PIANP: variants seen among roughly 807,000 people sequenced by gnomAD.
PIANP encodes the protein PILR alpha-associated neural protein.
PIANP carries 14 observed loss-of-function variants against 28.9 expected under a neutral mutation model. That is an observed-to-expected ratio of 0.49 (90% confidence interval 0.32 to 0.76). The LOEUF is 0.76. PIANP is among the 30% of genes least tolerant of loss of function. The pLI is 0.03. For synonymous variants in PIANP, 149 were observed against 156.6 expected, an observed-to-expected ratio of 0.95 and a Z score of 0.36; for missense variants, 322 against 371.8, an observed-to-expected ratio of 0.87 and a Z score of 1.10.
chr12:6,698,768 C>A (rs147897828), intron 1 of PIANP, among the ~76,000 whole-genome samples: 91 of 152,276 alleles, frequency 6.0e-4, no homozygotes, highest in African/African-American at 2.0e-3. Flanking sequence ...GAGGTGGAGT[C>A]AGGAAGAAAC....
In PIANP at chr12:6,700,171, GAGCCTCGGGGTGCGGGAGCCGGGCCCC is replaced by G. The variant is rs1225732249; in HGVS notation, c.-44+416_-44+442del. On this transcript the variant is annotated intron_variant, in intron 1 of 4. Coordinates refer to ENST00000534837, the MANE Select transcript of PIANP (RefSeq NM_001244014.2). The surrounding 1 kb of genome is among the most constrained non-coding windows in gnomAD (Gnocchi z 5.5). The stretch of plus-strand genomic sequence containing the variant: ...AGGAGACGAGCTGGGGGTGGGGCAG[GAGCCTCGGGGTGCGGGAGCCGGGCCCC>G]AGCCCCAGCGTGGCCCCCATCCCAC... 39 of 152,432 alleles carry G rather than the reference GAGCCTCGGGGTGCGGGAGCCGGGCCCC, an allele frequency of 2.6e-4. No individual in the cohort carries two copies. The highest frequency in any genetic ancestry group is 8.9e-4 in the African/African-American group (37 of 41,566). 9.4% of individuals were successfully genotyped at this position (152,432 alleles called of 1,614,324 possible).
intron 1 of PIANP, among the ~76,000 whole-genome samples, chr12:6,699,040 T>G (rs1229756843): frequency 2.6e-5 from 4 of 152,132 alleles, no homozygotes. Context: ...GATCAGGAGT[T>G]CGAGACTAGC....
Position 6,696,559 on chromosome 12 carries a change from C to T in PIANP, c.524-35G>A, listed in dbSNP as rs116893637. ...GTGGGAAGAAAGTTTTAGGGAGCCC[C>T]GAGGTGGTAGGAGCCAAGAGGGGCT... On this transcript the variant is annotated intron_variant, in intron 3 of 4. Coordinates refer to ENST00000534837, the MANE Select transcript of PIANP (RefSeq NM_001244014.2). This position sits in a 1 kb window ranked among gnomAD's most constrained non-coding sequence, Gnocchi z 4.0. 5.3e-6 allele frequency: 8 copies of T among 1,499,664 alleles called. No homozygotes were observed. Among genetic ancestry groups the T allele is most frequent in the East Asian group, 2.5e-5 (1 of 39,652 alleles). The allele number at this position is 1,499,664 out of a possible 1,614,324, so 92.9% of individuals were successfully genotyped here.
Position 6,698,353 on chromosome 12 carries a change from G to T in PIANP, c.-43-249C>A, listed in dbSNP as rs1565457440. 3 of 536,738 alleles carry T rather than the reference G, an allele frequency of 5.6e-6. No homozygotes were observed. The East Asian group carries it at 9.8e-5, about 18-fold the overall frequency. 33.2% of individuals were successfully genotyped at this position (536,738 alleles called of 1,614,324 possible). ...ACCTCTCCACCCCAGGGTCTACTCT[G>T]GCTTCTCTGATTTCCCTTCTTCTCA... is the stretch of plus-strand genomic sequence containing the variant. On this transcript the variant is annotated intron_variant, in intron 1 of 4. Transcript: ENST00000534837.
chr12:6,695,739 C>T lies in PIANP; in HGVS notation c.606-88G>A, dbSNP rs978703869. The T allele has an allele frequency of 5.2e-6, 7 of 1,340,812 alleles. No homozygotes were observed. In the African/African-American group the frequency reaches 1.1e-4, roughly 20 times the overall value. The allele number at this position is 1,340,812 out of a possible 1,614,324, so 83.1% of individuals were successfully genotyped here. A position where few individuals can be genotyped will look rare whatever the true frequency, so the allele number is the denominator to read the frequency against. ...ACCAGTGGTCACCCCCAGCCTCGCC[C>T]AGTCACTCCCAACATCTTATAGCAG... On this transcript the variant is annotated intron_variant, in intron 4 of 4. Transcript: ENST00000534837. The surrounding 1 kb of genome is among the most constrained non-coding windows in gnomAD (Gnocchi z 4.2).
At position 6,697,429 on chromosome 12, in the gene PIANP, A is replaced by C; in HGVS notation, c.381T>G (p.Phe127Leu). Reference sequence around the variant, plus strand: ...GAGGGGCTGCAAAACCATAGTCCAGAAATCCGGGATTGGCAGAGTTGGGGT... The same window carrying C: ...GAGGGGCTGCAAAACCATAGTCCAGCAATCCGGGATTGGCAGAGTTGGGGT... ...GGDPNSANPG[F>L]LDYGFAAPHG... Residue 127 changes from phenylalanine (F) to leucine (L), a missense_variant, in exon 3 of 5, where the codon TTT becomes TTG. By Grantham distance (22) the Phe-to-Leu change is conservative. Coordinates refer to ENST00000534837, the MANE Select transcript of PIANP (RefSeq NM_001244014.2). The surrounding 1 kb of genome is among the most constrained non-coding windows in gnomAD (Gnocchi z 6.9). 1 of 1,614,034 alleles carries C rather than the reference A, an allele frequency of 6.2e-7. No homozygotes were observed. The highest frequency in any genetic ancestry group is 8.5e-7 in the Non-Finnish European group (1 of 1,179,882).
At position 6,696,313 on chromosome 12, in the gene PIANP, A is replaced by T. The variant is rs777214753; in HGVS notation, c.605+130T>A. 1 of 606,304 alleles carries T rather than the reference A, an allele frequency of 1.6e-6. No homozygotes were observed. Among genetic ancestry groups the T allele is most frequent in the Non-Finnish European group, 2.8e-6 (1 of 358,056 alleles). 37.6% of individuals were successfully genotyped at this position (606,304 alleles called of 1,614,324 possible). On this transcript the variant is annotated intron_variant, in intron 4 of 4. Transcript: ENST00000534837. This position sits in a 1 kb window ranked among gnomAD's most constrained non-coding sequence, Gnocchi z 4.0. ...CCAAATCCTTAATTATCTTTTCCCA[A>T]GGTCTTGCCTTCATCCAGCATTTCC...
Position 6,697,580 on chromosome 12 carries a change from C to T in PIANP, c.230G>A (p.Arg77His), listed in dbSNP as rs750269683. The stretch of plus-strand genomic sequence containing the variant: ...TGCAGTGCCAGGCAGGACTTGCCGA[C>T]GTGATCTTGGGACCCGAGGAGATCG... The part of the protein sequence containing the change: ...PSRSPRVPRS[R>H]RQVLPGTAPP... The change falls in exon 3 of 5, where the codon CGT becomes CAT. Residue 77 changes from arginine to histidine, a missense_variant. Coordinates refer to ENST00000534837, the MANE Select transcript of PIANP (RefSeq NM_001244014.2). This position sits in a 1 kb window ranked among gnomAD's most constrained non-coding sequence, Gnocchi z 6.9. 3.1e-6 allele frequency: 5 copies of T among 1,592,628 alleles called. No homozygotes were observed. The highest frequency in any genetic ancestry group is 1.1e-5 in the South Asian group (1 of 88,328).
chr12:6,698,112 A>G lies in PIANP; in HGVS notation c.-43-8T>C. ...CCAGATTTTCAGCCTTTACTGGGAG[A>G]AAAAGGGGGCCGTCACACCCCAGCC... is the stretch of plus-strand genomic sequence containing the variant. On this transcript the variant is annotated splice_region_variant and splice_polypyrimidine_tract_variant and intron_variant, in intron 1 of 4. Transcript: ENST00000534837. The G allele has an allele frequency of 1.3e-6, 2 of 1,547,298 alleles. No homozygotes were observed. Among genetic ancestry groups the G allele is most frequent in the East Asian group, 4.8e-5 (2 of 41,472 alleles).
chr12:6,696,608 C>A lies in PIANP; in HGVS notation c.524-84G>T. The A allele has an allele frequency of 2.1e-6, 2 of 949,248 alleles. No homozygotes were observed. Among genetic ancestry groups the A allele is most frequent in the South Asian group, 4.3e-5 (2 of 46,042 alleles). The allele number at this position is 949,248 out of a possible 1,614,324, so 58.8% of individuals were successfully genotyped here. On this transcript the variant is annotated intron_variant, in intron 3 of 4. Transcript: ENST00000534837. The surrounding 1 kb of genome is among the most constrained non-coding windows in gnomAD (Gnocchi z 4.0). ...CTGGGGGCTGGGCTGTGGGCTCTGTCGGCTGGAGTGGCATTGCTGTGTGGA... is the reference window on the plus strand; with the variant it reads ...CTGGGGGCTGGGCTGTGGGCTCTGTAGGCTGGAGTGGCATTGCTGTGTGGA...
Position 6,694,876 on chromosome 12 carries a change from G to T in PIANP, c.*550C>A. The T allele has an allele frequency of 4.6e-6, 4 of 869,074 alleles. No individual in the cohort carries two copies. Among genetic ancestry groups the T allele is most frequent in the Non-Finnish European group, 6.7e-6 (4 of 593,468 alleles). 53.8% of individuals were successfully genotyped at this position (869,074 alleles called of 1,614,324 possible). A position where few individuals can be genotyped will look rare whatever the true frequency, so the allele number is the denominator to read the frequency against. The stretch of plus-strand genomic sequence containing the variant: ...CACCTGCAGGAGGGCGAGCAGATAG[G>T]ATTGCCCGTGGGGCTGGGGAGTGTT... On this transcript the variant is annotated 3_prime_UTR_variant, in exon 5 of 5. Transcript: ENST00000534837. The surrounding 1 kb of genome is among the most constrained non-coding windows in gnomAD (Gnocchi z 6.1).
Position 6,697,806 on chromosome 12 carries a change from G to C in PIANP, c.18-14C>G. Reference sequence around the variant, plus strand: ...AGCAGCGCAGGCCTGCAAGAAGGGAGAGAGCGTGGCTGAGACACAGGCCTA... The same window carrying C: ...AGCAGCGCAGGCCTGCAAGAAGGGACAGAGCGTGGCTGAGACACAGGCCTA... On this transcript the variant is annotated splice_polypyrimidine_tract_variant and intron_variant, in intron 2 of 4. Transcript: ENST00000534837. This position sits in a 1 kb window ranked among gnomAD's most constrained non-coding sequence, Gnocchi z 6.9. The C allele has an allele frequency of 6.6e-7, 1 of 1,521,886 alleles. No individual in the cohort carries two copies. Among genetic ancestry groups the C allele is most frequent in the Non-Finnish European group, 8.8e-7 (1 of 1,137,218 alleles). 94.3% of individuals were successfully genotyped at this position (1,521,886 alleles called of 1,614,324 possible).
rs548054241 is a variant in PIANP at position 6,700,475 on chromosome 12, G to C, written c.-44+139C>G. 3 of 152,344 alleles carry C rather than the reference G, an allele frequency of 2.0e-5. No homozygotes were observed. The highest frequency in any genetic ancestry group is 7.2e-5 in the African/African-American group (3 of 41,390). The allele number at this position is 152,344 out of a possible 1,614,324, so 9.4% of individuals were successfully genotyped here. A position where few individuals can be genotyped will look rare whatever the true frequency, so the allele number is the denominator to read the frequency against. ...CGCGGAGGGATGGAGAGCCCTTCGG[G>C]GAAGGGGCGCTGGGAGGCTGGAGGC... On this transcript the variant is annotated intron_variant, in intron 1 of 4. Transcript: ENST00000534837. This position sits in a 1 kb window ranked among gnomAD's most constrained non-coding sequence, Gnocchi z 5.5.
Position 6,700,213 on chromosome 12 carries a change from CCCCATCCCA to C in PIANP, c.-44+392_-44+400del, listed in dbSNP as rs932016059. The C allele has an allele frequency of 2.6e-5, 4 of 152,218 alleles. No homozygotes were observed. The highest frequency in any genetic ancestry group is 6.5e-5 in the Admixed American group (1 of 15,276). 9.4% of individuals were successfully genotyped at this position (152,218 alleles called of 1,614,324 possible). On this transcript the variant is annotated intron_variant, in intron 1 of 4. Coordinates refer to ENST00000534837, the MANE Select transcript of PIANP (RefSeq NM_001244014.2). The surrounding 1 kb of genome is among the most constrained non-coding windows in gnomAD (Gnocchi z 5.5). The stretch of plus-strand genomic sequence containing the variant: ...AGCCGGGCCCCAGCCCCAGCGTGGC[CCCCATCCCA>C]CCCATCCCGCAGGCCCGCACTCCCC...
downstream of PIANP, among the ~76,000 whole-genome samples, chr12:6,693,108 A>G (rs372772734): frequency 1.3e-5 from 2 of 152,012 alleles, no homozygotes; most frequent in African/African-American, 4.8e-5. Flanking sequence ...GGGTTTTCAC[A>G]GGGCTGTTAC....
In PIANP at chr12:6,695,159, A is replaced by G. The variant is rs972113917; in HGVS notation, c.*267T>C. 2.0e-6 allele frequency: 3 copies of G among 1,496,538 alleles called. No individual in the cohort carries two copies. Among genetic ancestry groups the G allele is most frequent in the Non-Finnish European group, 2.7e-6 (3 of 1,119,260 alleles). 92.7% of individuals were successfully genotyped at this position (1,496,538 alleles called of 1,614,324 possible). A position where few individuals can be genotyped will look rare whatever the true frequency, so the allele number is the denominator to read the frequency against. ...GGGGGAATCAAGGTTAAGAGGGCAG[A>G]GTTGTCTTAGACAAGGTGGCATGAG... On this transcript the variant is annotated 3_prime_UTR_variant, in exon 5 of 5. Coordinates refer to ENST00000534837, the MANE Select transcript of PIANP (RefSeq NM_001244014.2). This position sits in a 1 kb window ranked among gnomAD's most constrained non-coding sequence, Gnocchi z 4.2.
chr12:6,698,247 T>C, intron 1 of PIANP, 143 bp from the exon 2 acceptor site: 1 of 697,914 alleles, frequency 1.4e-6, no homozygotes, highest in Non-Finnish European at 2.5e-6. Context: ...CACTGGTTGT[T>C]AGCATCCTTT....
chr12:6,699,130 G>T (rs1255708025), intron 1 of PIANP, among the ~76,000 whole-genome samples: 1 of 152,124 alleles, frequency 6.6e-6, no homozygotes, highest in Non-Finnish European at 1.5e-5. Flanking sequence ...TGCAATCCCA[G>T]CTATTCAGAG....
chr12:6,694,869 C>A lies in PIANP; in HGVS notation c.*557G>T. Reference sequence around the variant, plus strand: ...AGGCCCCCACCTGCAGGAGGGCGAGCAGATAGGATTGCCCGTGGGGCTGGG... The same window carrying A: ...AGGCCCCCACCTGCAGGAGGGCGAGAAGATAGGATTGCCCGTGGGGCTGGG... On this transcript the variant is annotated 3_prime_UTR_variant, in exon 5 of 5. Coordinates refer to ENST00000534837, the MANE Select transcript of PIANP (RefSeq NM_001244014.2). This position sits in a 1 kb window ranked among gnomAD's most constrained non-coding sequence, Gnocchi z 6.1. The A allele has an allele frequency of 1.3e-6, 1 of 789,930 alleles. No individual in the cohort carries two copies. 48.9% of individuals were successfully genotyped at this position (789,930 alleles called of 1,614,324 possible).
Sources: gnomAD v4.1 joint callset for allele counts (sites outside exome capture counted in the v4.1 genomes callset) on GRCh38, gnomAD v4.1.1 for gene constraint, Gnocchi (gnomAD v3.1) non-coding constraint, MANE v1.5 for transcripts, NCBI Gene and HGNC (gene_info 2026-07-23, HGNC 2026-07-21) for gene names.